The following TUSC3 variants were observed in gnomAD, a reference collection of about 807,000 sequenced individuals.
The protein encoded by TUSC3 is tumor suppressor candidate 3.
TUSC3 carries 45 observed loss-of-function variants against 44.8 expected under a neutral mutation model. That is an observed-to-expected ratio of 1.00 (90% confidence interval 0.79 to 1.29). The LOEUF (loss-of-function observed/expected upper bound fraction) is 1.29. Ranked by LOEUF, TUSC3 falls within the 50% of genes most tolerant of loss-of-function variation. TUSC3 has a pLI of 0.00. For missense variants in TUSC3, 519 were observed against 437.9 expected (o/e 1.19, Z -1.65); for synonymous variants, 212 against 152.9 (o/e 1.39, Z -2.85).
At chr8:15,430,350 G>A (rs1456332096) in intron 1 of TUSC3, among the ~76,000 whole-genome samples, 1 of 150,008 alleles carries the variant, frequency 6.7e-6, no homozygotes, top group Non-Finnish European at 1.5e-5. Flanking sequence ...ACGTAATCCA[G>A]CGTATAAACA....
At chr8:15,707,993 C>T (rs1432925902) in intron 6 of TUSC3, among the ~76,000 whole-genome samples, 1 of 151,848 alleles carries the variant, frequency 6.6e-6, no homozygotes, top group Non-Finnish European at 1.5e-5. Context: ...TCTTCACATC[C>T]CCTTCTTCTG....
intron 6 of TUSC3, among the ~76,000 whole-genome samples, chr8:15,691,396 A>G (rs757546869): frequency 2.0e-5 from 3 of 152,178 alleles, no homozygotes; most frequent in South Asian, 2.1e-4. Context: ...TAGCAGATCA[A>G]GAAGCTTTTG....
chr8:15,457,865 A>G (rs1334915289), intron 1 of TUSC3, among the ~76,000 whole-genome samples: 3 of 56,294 alleles, frequency 5.3e-5, no homozygotes, highest in African/African-American at 1.7e-4. Flanking sequence ...ATTATCTAAT[A>G]AATTAATTAG....
the TUSC3 span, among the ~76,000 whole-genome samples, chr8:15,840,940 T>C: frequency 8.7e-3 from 1,332 of 152,256 alleles, 28 homozygotes; most frequent in African/African-American, 0.03. Flanking sequence ...AAAAAATTCT[T>C]TTTGGTCCAC....
At chr8:15,422,853 G>T (rs1335342375) in intron 1 of TUSC3, among the ~76,000 whole-genome samples, 1 of 152,042 alleles carries the variant, frequency 6.6e-6, no homozygotes, top group Non-Finnish European at 1.5e-5. Context: ...ATGTTGTACA[G>T]GCTGGTCACA....
At chr8:15,707,253 T>C (rs1809656516) in intron 6 of TUSC3, among the ~76,000 whole-genome samples, 1 of 152,032 alleles carries the variant, frequency 6.6e-6, no homozygotes, top group Admixed American at 6.6e-5. Flanking sequence ...CAGTAAGCTT[T>C]AAAATTTACA....
At chr8:15,584,275 G>C (rs1392292708) in intron 1 of TUSC3, among the ~76,000 whole-genome samples, 1 of 152,186 alleles carries the variant, frequency 6.6e-6, no homozygotes, top group Non-Finnish European at 1.5e-5. Flanking sequence ...CTTAAAGGCA[G>C]GGTGATCCAG....
At chr8:15,750,816 C>G (rs535824983) in intron 9 of TUSC3, among the ~76,000 whole-genome samples, 2 of 152,168 alleles carry the variant, frequency 1.3e-5, no homozygotes, top group Non-Finnish European at 2.9e-5. Flanking sequence ...ATAGATTTGC[C>G]TTCAGCAGGC....
rs1030745689 is a variant in TUSC3, at chr8:15,422,421, C to A, written n.91+5116C>A. Among the ~76,000 whole-genome samples the A allele has an allele frequency of 3.3e-5, 5 of 152,174 alleles. 1 individual carries two copies. In the South Asian group the frequency reaches 1.0e-3, roughly 32 times the overall value. On this transcript the variant is annotated intron_variant and non_coding_transcript_variant, in intron 1 of 5. Transcript: ENST00000503191. ...ACTCCTTGTTCTTCAAGAATGGGGA[C>A]CGGCAGAGTAGGTGGCAGGGTAATG...
At chr8:15,707,606 A>G (rs1237580180) in intron 6 of TUSC3, among the ~76,000 whole-genome samples, 1 of 151,958 alleles carries the variant, frequency 6.6e-6, no homozygotes, top group African/African-American at 2.4e-5. Flanking sequence ...AATGTTGAAT[A>G]TATTTCTGCG....
chr8:15,768,637 C>G (rs1183305048), downstream of TUSC3, among the ~76,000 whole-genome samples: 1 of 151,994 alleles, frequency 6.6e-6, no homozygotes, highest in Admixed American at 6.6e-5. Context: ...AGGATAGGAA[C>G]AGAGGAAATC....
intron 8 of TUSC3, among the ~76,000 whole-genome samples, chr8:15,747,662 A>G (rs1372991927): frequency 6.6e-6 from 1 of 152,124 alleles, no homozygotes; most frequent in East Asian, 1.9e-4. Flanking sequence ...AAAATAAAGT[A>G]CTGCTCGTAT....
At chr8:15,774,900 T>A in the TUSC3 span, among the ~76,000 whole-genome samples, 1 of 152,136 alleles carries the variant, frequency 6.6e-6, no homozygotes, top group Non-Finnish European at 1.5e-5. Context: ...ATTGGCCACT[T>A]TGGAAACAAA....
the TUSC3 span, among the ~76,000 whole-genome samples, chr8:15,823,841 A>G: frequency 6.6e-6 from 1 of 152,198 alleles, no homozygotes. Flanking sequence ...TGAGCAGTAA[A>G]TAACAAGAAT....
intron 1 of TUSC3, among the ~76,000 whole-genome samples, chr8:15,430,565 G>C (rs1050645641): frequency 9.3e-5 from 14 of 151,336 alleles, no homozygotes; most frequent in African/African-American, 3.4e-4. Context: ...TTGCAAACTG[G>C]CACAAGACAG....
intron 6 of TUSC3, among the ~76,000 whole-genome samples, chr8:15,725,962 A>C (rs1810479655): frequency 6.6e-6 from 1 of 152,162 alleles, no homozygotes; most frequent in African/African-American, 2.4e-5. Flanking sequence ...TAACACTGGA[A>C]ACTGACTTCT....
intron 8 of TUSC3, among the ~76,000 whole-genome samples, chr8:15,747,373 TTA>T (rs1376514342): frequency 2.0e-5 from 3 of 152,096 alleles, no homozygotes; most frequent in African/African-American, 4.8e-5. Context: ...ATTGTGCAAA[TTA>T]TGTGTTCTTA....
At chr8:15,470,955 AAATG>A (rs34953309) in intron 1 of TUSC3, among the ~76,000 whole-genome samples, 2 of 151,864 alleles carry the variant, frequency 1.3e-5, no homozygotes, top group African/African-American at 4.8e-5. Context: ...GTGAGTGGGA[AAATG>A]AATGAATGAA....
chr8:15,782,309 CA>C, the TUSC3 span, among the ~76,000 whole-genome samples: 17 of 151,500 alleles, frequency 1.1e-4, no homozygotes, highest in African/African-American at 2.9e-4. Flanking sequence ...TCCATCTGTA[CA>C]AAAAAAAATT....
Sources: gnomAD v4.1 joint callset for allele counts (sites outside exome capture counted in the v4.1 genomes callset) on GRCh38, gnomAD v4.1.1 for gene constraint, MANE v1.5 for transcripts, NCBI Gene and HGNC (gene_info 2026-07-23, HGNC 2026-07-21) for gene names.